The following NRXN3 variants were observed in gnomAD, a reference collection of about 807,000 sequenced individuals.
The protein encoded by NRXN3 is neurexin 3, also known as neurexin III.
NRXN3 carries 32 observed loss-of-function variants against 137.6 expected under a neutral mutation model. The ratio of observed to expected loss-of-function variants is 0.23; its 90% CI spans 0.18 to 0.31. NRXN3 has a LOEUF of 0.31. Among genes scored for constraint, NRXN3 ranks in the 10% least tolerant of loss-of-function variants. The pLI is 1.00. For missense variants in NRXN3, 1,574 were observed against 2,062.5 expected (o/e 0.76, Z 4.59); for synonymous variants, 798 against 784.5 (o/e 1.02, Z -0.29).
At chr14:79,207,833 T>C (rs2067017651) in intron 15 of NRXN3, among the ~76,000 whole-genome samples, 1 of 152,134 alleles carries the variant, frequency 6.6e-6, no homozygotes, top group Non-Finnish European at 1.5e-5. Flanking sequence ...AGGTATAGTA[T>C]TGAGAAACTG....
intron 15 of NRXN3, among the ~76,000 whole-genome samples, chr14:79,354,456 G>A (rs2093347085): frequency 6.6e-6 from 1 of 152,106 alleles, no homozygotes; most frequent in South Asian, 2.1e-4. Context: ...TTTAGTCCAT[G>A]AAACCTGAGG....
chr14:78,964,205 C>T (rs1304598406), intron 11 of NRXN3, among the ~76,000 whole-genome samples: 1 of 151,912 alleles, frequency 6.6e-6, no homozygotes, highest in Admixed American at 6.5e-5. Flanking sequence ...CTTTTTTTGT[C>T]ACTGTAATTC....
chr14:78,526,126 AG>A (rs1029776279), intron 4 of NRXN3, among the ~76,000 whole-genome samples: 1 of 152,212 alleles, frequency 6.6e-6, no homozygotes, highest in Non-Finnish European at 1.5e-5. Context: ...ATAATTACTT[AG>A]TTGAAAGCCT....
At chr14:78,251,630 G>A (rs1163885015) in intron 2 of NRXN3, among the ~76,000 whole-genome samples, 1 of 152,180 alleles carries the variant, frequency 6.6e-6, no homozygotes, top group Admixed American at 6.5e-5. Context: ...ATAGGTGGAC[G>A]AATCAGAGCT....
chr14:78,187,781 GT>G (rs58649555), intron 1 of NRXN3, among the ~76,000 whole-genome samples: 34,966 of 133,592 alleles, frequency 0.26, 4,999 homozygotes, highest in Middle Eastern at 0.37. Flanking sequence ...GATTTTAGTT[GT>G]TTTTTTTTTT....
chr14:79,315,940 T>C (rs972808511), intron 15 of NRXN3, among the ~76,000 whole-genome samples: 1 of 152,200 alleles, frequency 6.6e-6, no homozygotes, highest in Admixed American at 6.5e-5. Context: ...GATGGTTAAA[T>C]AAGAAATACA....
chr14:78,924,697 T>C (rs764427832), intron 10 of NRXN3, among the ~76,000 whole-genome samples: 1 of 152,206 alleles, frequency 6.6e-6, no homozygotes, highest in Non-Finnish European at 1.5e-5. Flanking sequence ...GTAAAATACG[T>C]CATCCTGTAA....
Position 79,360,197 on chromosome 14 carries a change from C to T in NRXN3, c.3263-107024C>T, listed in dbSNP as rs72688979. On this transcript the variant is annotated intron_variant, in intron 15 of 20. Coordinates refer to ENST00000335750, the MANE Select transcript of NRXN3 (RefSeq NM_001330195.2). ...CCTCCCAACTCCCATTAACTTCCTG[C>T]ATCAAAATGAACATTTTTCCCCTTT... 7.6e-3 allele frequency among the ~76,000 whole-genome samples: 1,155 copies of T among 152,320 alleles called. 8 individuals are homozygous for T. The highest frequency in any genetic ancestry group is 0.014 in the Middle Eastern group (4 of 294).
intron 15 of NRXN3, among the ~76,000 whole-genome samples, chr14:79,410,565 A>G (rs1160518873): frequency 6.6e-6 from 1 of 151,994 alleles, no homozygotes; most frequent in Non-Finnish European, 1.5e-5. Context: ...AATTAAAGTT[A>G]TAAGCTCTTG....
intron 10 of NRXN3, among the ~76,000 whole-genome samples, chr14:78,938,042 G>A (rs2099345448): frequency 6.6e-6 from 1 of 152,224 alleles, no homozygotes; most frequent in African/African-American, 2.4e-5. Context: ...GAATAACCAG[G>A]ATATGAGTTG....
At position 79,506,656 on chromosome 14, in the gene NRXN3, A is replaced by G. The variant is rs1371705900; in HGVS notation, c.3444+39254A>G. On this transcript the variant is annotated intron_variant, in intron 16 of 20. Transcript: ENST00000335750. ...TACTATTCTATCTAACTTAGGCAGC[A>G]TTGAATTTCATTTTTTTTTCTCCTT... 1.1e-4 allele frequency among the ~76,000 whole-genome samples: 16 copies of G among 152,244 alleles called. No homozygotes were observed. In the South Asian group the frequency reaches 2.7e-3, roughly 26 times the overall value.
chr14:79,838,509 TTAAG>T (rs2099349077), intron 20 of NRXN3, among the ~76,000 whole-genome samples: 1 of 152,174 alleles, frequency 6.6e-6, no homozygotes, highest in African/African-American at 2.4e-5. Context: ...GTGTGAAAAC[TTAAG>T]TAGTATATCC....
At chr14:78,989,557 C>T (rs1315328933) in intron 15 of NRXN3, among the ~76,000 whole-genome samples, 1 of 152,072 alleles carries the variant, frequency 6.6e-6, no homozygotes, top group East Asian at 1.9e-4. Context: ...ACTGCTCTTA[C>T]CAAGTCTTTT....
At chr14:78,949,206 C>T (rs1231057742) in intron 10 of NRXN3, among the ~76,000 whole-genome samples, 1 of 152,112 alleles carries the variant, frequency 6.6e-6, no homozygotes, top group Non-Finnish European at 1.5e-5. Flanking sequence ...TTGTCAAATT[C>T]ACTCTACTGC....
intron 15 of NRXN3, among the ~76,000 whole-genome samples, chr14:79,438,295 A>G (rs1157687090): frequency 2.0e-5 from 3 of 152,190 alleles, no homozygotes; most frequent in African/African-American, 2.4e-5. Flanking sequence ...GATATTCTCT[A>G]TCTAGGTATC....
intron 4 of NRXN3, among the ~76,000 whole-genome samples, chr14:78,602,267 C>CTTTTTTTTTTTTGTTTTTTTT (rs2097207885): frequency 8.7e-6 from 1 of 115,282 alleles, no homozygotes; most frequent in African/African-American, 3.7e-5. Context: ...TCACATTAGC[C>CTTTTTTTTTTTTGTTTTTTTT]TTTTTTTTTT....
intron 4 of NRXN3, among the ~76,000 whole-genome samples, chr14:78,414,272 AGTG>A (rs1243540210): frequency 2.6e-5 from 4 of 151,728 alleles, no homozygotes; most frequent in African/African-American, 9.7e-5. Context: ...GTGTAAGTGT[AGTG>A]GTGGCATGTG....
At chr14:79,233,651 A>C (rs1413374206) in intron 15 of NRXN3, among the ~76,000 whole-genome samples, 1 of 148,232 alleles carries the variant, frequency 6.7e-6, no homozygotes, top group Middle Eastern at 3.2e-3. Flanking sequence ...AGACATTTTT[A>C]CTCTAGTATA....
rs145781115 is a variant in NRXN3 at position 79,557,172 on chromosome 14, A to G, written c.3444+89770A>G. On this transcript the variant is annotated intron_variant, in intron 16 of 20. Transcript: ENST00000335750. ...TGGTTTTCAAAGAATTCTGTCCCACATTCTGTTCTACTTATTACCTTCTTT... is the reference window on the plus strand; with the variant it reads ...TGGTTTTCAAAGAATTCTGTCCCACGTTCTGTTCTACTTATTACCTTCTTT... Among the ~76,000 whole-genome samples, 52 of 152,160 alleles carry G rather than the reference A, an allele frequency of 3.4e-4. No homozygotes were observed. The East Asian group carries it at 9.5e-3, about 28-fold the overall frequency.
Sources: gnomAD v4.1 joint callset for allele counts (sites outside exome capture counted in the v4.1 genomes callset) on GRCh38, gnomAD v4.1.1 for gene constraint, MANE v1.5 for transcripts, NCBI Gene and HGNC (gene_info 2026-07-23, HGNC 2026-07-21) for gene names.